The following SORCS3 variants were observed in gnomAD, a reference collection of about 807,000 sequenced individuals.
SORCS3 encodes the protein VPS10 domain-containing receptor SorCS3.
A neutral mutation model predicts 146.3 loss-of-function variants in SORCS3; 57 were observed. That is an observed-to-expected ratio of 0.39 (90% confidence interval 0.31 to 0.49). The LOEUF (loss-of-function observed/expected upper bound fraction) is 0.49. Ranked by LOEUF, SORCS3 falls within the 20% of genes least tolerant of loss-of-function variation. The pLI, the probability that SORCS3 is intolerant of heterozygous loss-of-function variation, is 0.92. For synonymous variants in SORCS3, 653 were observed against 618.5 expected (o/e 1.06, Z -0.83); for missense variants, 1,341 against 1,575.5 (o/e 0.85, Z 2.52).
In SORCS3 at chr10:105,209,171, C is replaced by T. The variant is rs777948631; in HGVS notation, c.2262-1966C>T. Among the ~76,000 whole-genome samples the T allele has an allele frequency of 5.9e-5, 9 of 151,932 alleles. 1 individual carries two copies. In the South Asian group the frequency reaches 1.9e-3, roughly 32 times the overall value. On this transcript the variant is annotated intron_variant, in intron 16 of 26. Coordinates refer to ENST00000369701, the MANE Select transcript of SORCS3 (RefSeq NM_014978.3). ...TTTTTTTTCTTTTGAGACGGAGTTT[C>T]GCTCTTGTTGCCCAGGCTGGAGTGC... is the stretch of plus-strand genomic sequence containing the variant.
At chr10:104,953,323 C>T (rs1332622602) in intron 3 of SORCS3, among the ~76,000 whole-genome samples, 1 of 152,198 alleles carries the variant, frequency 6.6e-6, no homozygotes, top group South Asian at 2.1e-4. Flanking sequence ...GGCTACCAGG[C>T]ACTGGCAGTT....
At chr10:105,198,364 A>G (rs2056555665) in intron 14 of SORCS3, among the ~76,000 whole-genome samples, 1 of 152,146 alleles carries the variant, frequency 6.6e-6, no homozygotes, top group Non-Finnish European at 1.5e-5. Flanking sequence ...AGAGAAAAAA[A>G]AGATATCCAT....
chr10:104,960,518 G>C (rs2054787951), intron 3 of SORCS3, among the ~76,000 whole-genome samples: 1 of 152,052 alleles, frequency 6.6e-6, no homozygotes, highest in Non-Finnish European at 1.5e-5. Flanking sequence ...ACATGGCAAG[G>C]GGGACTGAGC....
At chr10:105,199,970 T>C in intron 14 of SORCS3, 29 bp from the exon 15 acceptor site, 1 of 1,536,264 alleles carries the variant, frequency 6.5e-7, no homozygotes, top group Non-Finnish European at 9.0e-7. Context: ...TCTCCCCTTG[T>C]GTCTCCCACT....
chr10:104,655,259 AAAAG>A (rs1332329055), intron 1 of SORCS3, among the ~76,000 whole-genome samples: 5 of 151,974 alleles, frequency 3.3e-5, no homozygotes, highest in Admixed American at 2.6e-4. Context: ...AAAAAAAAAA[AAAAG>A]GAGTAGTTTT....
intron 4 of SORCS3, among the ~76,000 whole-genome samples, chr10:105,024,285 A>G (rs77241751): frequency 0.06 from 9,077 of 152,224 alleles, 798 homozygotes; most frequent in African/African-American, 0.19. Context: ...GGTTTTCCTC[A>G]AAAGGTGGCA....
chr10:104,685,718 C>T (rs1045247219), intron 1 of SORCS3, among the ~76,000 whole-genome samples: 3 of 152,142 alleles, frequency 2.0e-5, no homozygotes, highest in South Asian at 2.1e-4. Flanking sequence ...GTAGGAGCAA[C>T]GATTAGTGTT....
At chr10:105,227,310 C>G (rs549024155) in intron 20 of SORCS3, among the ~76,000 whole-genome samples, 1 of 152,028 alleles carries the variant, frequency 6.6e-6, no homozygotes, top group East Asian at 1.9e-4. Context: ...CTTGACCCAA[C>G]ATTCAGAAGC....
At chr10:105,049,236 C>T (rs1366029360) in intron 5 of SORCS3, among the ~76,000 whole-genome samples, 1 of 152,066 alleles carries the variant, frequency 6.6e-6, no homozygotes, top group African/African-American at 2.4e-5. Flanking sequence ...TTACATCAGC[C>T]AACACACGAG....
intron 4 of SORCS3, among the ~76,000 whole-genome samples, chr10:104,984,419 A>C (rs530125555): frequency 6.6e-6 from 1 of 152,304 alleles, no homozygotes; most frequent in South Asian, 2.1e-4. Flanking sequence ...ATGGGTGTGC[A>C]AATGAATTTT....
At chr10:104,822,839 C>T (rs563089561) in intron 1 of SORCS3, among the ~76,000 whole-genome samples, 2 of 152,098 alleles carry the variant, frequency 1.3e-5, no homozygotes, top group African/African-American at 2.4e-5. Flanking sequence ...TGACTAAGAG[C>T]TTGGACAGAT....
intron 3 of SORCS3, among the ~76,000 whole-genome samples, chr10:104,919,804 A>G (rs2019069255): frequency 6.6e-6 from 1 of 152,218 alleles, no homozygotes; most frequent in Admixed American, 6.5e-5. Flanking sequence ...AGTGGTATGT[A>G]TTGTAATCTG....
Position 105,214,620 on chromosome 10 carries a change from G to T in SORCS3, c.2547+7G>T, listed in dbSNP as rs756541752. The T allele has an allele frequency of 1.9e-6, 3 of 1,557,700 alleles. No homozygotes were observed. The highest frequency in any genetic ancestry group is 1.9e-5 in the Admixed American group (1 of 52,330). On this transcript the variant is annotated splice_region_variant and intron_variant, in intron 18 of 26. Transcript: ENST00000369701. ...CATCATCCTCATGGAGGAGGTAGGT[G>T]CTCAACTGGGTCTCTGAGGTCAGAA... is the stretch of plus-strand genomic sequence containing the variant.
At chr10:104,915,054 T>G (rs1031871230) in intron 2 of SORCS3, among the ~76,000 whole-genome samples, 8 of 152,038 alleles carry the variant, frequency 5.3e-5, no homozygotes, top group African/African-American at 1.9e-4. Context: ...GTCAACTACT[T>G]GAATCCCACT....
At chr10:105,058,254 A>G (rs1471980329) in intron 5 of SORCS3, among the ~76,000 whole-genome samples, 1 of 152,200 alleles carries the variant, frequency 6.6e-6, no homozygotes, top group Non-Finnish European at 1.5e-5. Context: ...ACAGTGTGCA[A>G]TAATTGTCAA....
At chr10:105,163,128 A>C (rs1200812724) in intron 11 of SORCS3, among the ~76,000 whole-genome samples, 6 of 152,114 alleles carry the variant, frequency 3.9e-5, no homozygotes, top group Non-Finnish European at 7.4e-5. Context: ...CCCTGAGCCC[A>C]GGGGTTATTT....
chr10:105,038,960 T>C (rs938447794), intron 4 of SORCS3, among the ~76,000 whole-genome samples: 1 of 152,154 alleles, frequency 6.6e-6, no homozygotes, highest in African/African-American at 2.4e-5. Flanking sequence ...ACATACTAAT[T>C]GCCCACAGTC....
intron 1 of SORCS3, among the ~76,000 whole-genome samples, chr10:104,840,076 C>T (rs1007364558): frequency 6.6e-6 from 1 of 152,092 alleles, no homozygotes; most frequent in African/African-American, 2.4e-5. Flanking sequence ...CCAGGAGCAG[C>T]TTTTGTGGGG....
intron 3 of SORCS3, among the ~76,000 whole-genome samples, chr10:104,948,537 A>G (rs1021210791): frequency 6.6e-6 from 1 of 152,178 alleles, no homozygotes; most frequent in African/African-American, 2.4e-5. Flanking sequence ...TTTTATGGAT[A>G]CCAGGCCCTG....
Sources: gnomAD v4.1 joint callset for allele counts (sites outside exome capture counted in the v4.1 genomes callset) on GRCh38, gnomAD v4.1.1 for gene constraint, MANE v1.5 for transcripts, NCBI Gene and HGNC (gene_info 2026-07-23, HGNC 2026-07-21) for gene names.